Variants in ROBO2 observed in about 807,000 individuals in gnomAD.
ROBO2 encodes roundabout homolog 2.
A neutral mutation model predicts 160.8 loss-of-function variants in ROBO2; 53 were observed. The ratio of observed to expected loss-of-function variants is 0.33; its 90% CI spans 0.26 to 0.41. ROBO2 has a LOEUF of 0.41. Ranked by LOEUF, ROBO2 falls within the 10% of genes least tolerant of loss-of-function variation. ROBO2 has a pLI of 1.00. For synonymous variants in ROBO2, 664 were observed against 611.7 expected (o/e 1.09, Z -1.26); for missense variants, 1,577 against 1,722.4 (o/e 0.92, Z 1.49).
At chr3:76,860,466 G>A (rs2070641617) in intron 2 of ROBO2, among the ~76,000 whole-genome samples, 1 of 152,176 alleles carries the variant, frequency 6.6e-6, no homozygotes, top group Admixed American at 6.5e-5. Flanking sequence ...TTTTATAGCA[G>A]ATGTTCTCCT....
At chr3:76,123,790 C>A (rs1207340195) in intron 2 of ROBO2, among the ~76,000 whole-genome samples, 2 of 152,124 alleles carry the variant, frequency 1.3e-5, no homozygotes, top group Non-Finnish European at 2.9e-5. Context: ...CTTCGTCTTA[C>A]ACCTTTTCTT....
intron 1 of ROBO2, among the ~76,000 whole-genome samples, chr3:77,043,434 C>T (rs1170362600): frequency 2.6e-5 from 4 of 152,032 alleles, no homozygotes; most frequent in East Asian, 1.9e-4. Flanking sequence ...AAAATGGTAG[C>T]GTTTTGCCAC....
At chr3:77,516,704 T>A (rs183290706) in intron 5 of ROBO2, among the ~76,000 whole-genome samples, 2 of 151,754 alleles carry the variant, frequency 1.3e-5, no homozygotes, top group Non-Finnish European at 3.0e-5. Context: ...GAATTAAATA[T>A]TCCAAGTTCT....
chr3:76,136,378 A>G (rs144705949), intron 2 of ROBO2, among the ~76,000 whole-genome samples: 16 of 152,278 alleles, frequency 1.1e-4, no homozygotes, highest in African/African-American at 3.8e-4. Flanking sequence ...TAAAATGAAC[A>G]GTGTTCAGAA....
intron 2 of ROBO2, among the ~76,000 whole-genome samples, chr3:76,794,165 G>A (rs1226601034): frequency 6.6e-6 from 1 of 151,790 alleles, no homozygotes; most frequent in Non-Finnish European, 1.5e-5. Context: ...AGTACAGCTT[G>A]AAAAATTGAA....
intron 2 of ROBO2, among the ~76,000 whole-genome samples, chr3:76,082,255 A>G (rs907336349): frequency 6.6e-6 from 1 of 152,334 alleles, no homozygotes; most frequent in Middle Eastern, 3.4e-3. Flanking sequence ...CACCAGAGAA[A>G]GTGACATTTA....
chr3:77,507,352 G>A (rs530552469), intron 5 of ROBO2, among the ~76,000 whole-genome samples: 2 of 152,300 alleles, frequency 1.3e-5, no homozygotes, highest in South Asian at 2.1e-4. Context: ...ACTGATGAAG[G>A]AGACTTCTTA....
intron 2 of ROBO2, among the ~76,000 whole-genome samples, chr3:76,866,312 T>C (rs2148650026): frequency 6.6e-6 from 1 of 152,278 alleles, no homozygotes; most frequent in East Asian, 1.9e-4. Context: ...AAACATAATC[T>C]TTGGAAGAAC....
chr3:76,625,751 G>A (rs1252455679), intron 2 of ROBO2, among the ~76,000 whole-genome samples: 2 of 152,154 alleles, frequency 1.3e-5, no homozygotes, highest in South Asian at 2.1e-4. Flanking sequence ...AGCAGGAAGC[G>A]CAACGTTGTG....
intron 24 of ROBO2, among the ~76,000 whole-genome samples, chr3:77,638,701 C>T (rs2095303567): frequency 6.6e-6 from 1 of 151,202 alleles, no homozygotes; most frequent in African/African-American, 2.4e-5. Context: ...TCTTATAAAT[C>T]AAAGAATACC....
intron 2 of ROBO2, among the ~76,000 whole-genome samples, chr3:76,445,602 A>G (rs145038750): frequency 0.012 from 1,816 of 152,210 alleles, 36 homozygotes; most frequent in African/African-American, 0.041. Flanking sequence ...AGAATTTTAG[A>G]CCAATATCCC....
intron 2 of ROBO2, among the ~76,000 whole-genome samples, chr3:77,165,152 G>A (rs2078952725): frequency 6.6e-6 from 1 of 151,554 alleles, no homozygotes; most frequent in Admixed American, 6.6e-5. Context: ...TTGAGAAATC[G>A]GATGGTTGCC....
rs149597886 is a variant in ROBO2 at position 75,944,649 on chromosome 3, T to A, written c.109+7047T>A. On this transcript the variant is annotated intron_variant, in intron 2 of 26. Coordinates refer to the ROBO2 transcript ENST00000487694. ...TCATATCTTGTCTGAAAGTGTTTTC[T>A]CAAAAGTTAGGAAGGACTAAGATTT... Among the ~76,000 whole-genome samples the A allele has an allele frequency of 1.1e-3, 166 of 152,304 alleles. 1 individual carries two copies. In the East Asian group the frequency reaches 0.015, roughly 14 times the overall value.
At chr3:76,868,386 C>T (rs1056342448) in intron 2 of ROBO2, among the ~76,000 whole-genome samples, 16 of 152,048 alleles carry the variant, frequency 1.1e-4, no homozygotes, top group Non-Finnish European at 2.1e-4. Context: ...CCTGAATGAA[C>T]GAGAATTGAC....
chr3:77,355,792 T>A (rs1465750796), intron 2 of ROBO2, among the ~76,000 whole-genome samples: 1 of 152,040 alleles, frequency 6.6e-6, no homozygotes, highest in African/African-American at 2.4e-5. Flanking sequence ...TAAATTTGCA[T>A]AAGGTGAAGG....
At chr3:76,141,889 T>C (rs1202900196) in intron 2 of ROBO2, among the ~76,000 whole-genome samples, 1 of 152,128 alleles carries the variant, frequency 6.6e-6, no homozygotes, top group East Asian at 1.9e-4. Context: ...TTTTGCCAAC[T>C]TTTTTATCCC....
chr3:76,692,882 A>ACT (rs68038906), intron 2 of ROBO2, among the ~76,000 whole-genome samples: 5 of 141,674 alleles, frequency 3.5e-5, no homozygotes, highest in East Asian at 2.1e-4. Context: ...ACACTATATA[A>ACT]CTCTCTCTCT....
intron 2 of ROBO2, among the ~76,000 whole-genome samples, chr3:77,274,311 C>A (rs1202051683): frequency 6.6e-6 from 1 of 152,082 alleles, no homozygotes; most frequent in African/African-American, 2.4e-5. Flanking sequence ...TGGCATGATT[C>A]TTCCAGTTTT....
At chr3:77,576,498 T>C (rs2153672119) in intron 14 of ROBO2, among the ~76,000 whole-genome samples, 1 of 152,288 alleles carries the variant, frequency 6.6e-6, no homozygotes, top group East Asian at 1.9e-4. Context: ...ACTATGATTT[T>C]AACTACCCCC....
Sources: gnomAD v4.1 joint callset for allele counts (sites outside exome capture counted in the v4.1 genomes callset) on GRCh38, gnomAD v4.1.1 for gene constraint, MANE v1.5 for transcripts, NCBI Gene and HGNC (gene_info 2026-07-23, HGNC 2026-07-21) for gene names.